HMCN1: variants seen among roughly 807,000 people sequenced by gnomAD.
HMCN1 encodes hemicentin 1.
In HMCN1, 321 loss-of-function variants were observed where a neutral mutation model predicts 625.9. The observed-to-expected ratio is 0.51, with a 90% CI of 0.47 to 0.56. HMCN1 has a LOEUF of 0.56. HMCN1 is among the 20% of genes least tolerant of loss of function. HMCN1 has a pLI of 0.00. For synonymous variants in HMCN1, 2,425 were observed against 2,417.6 expected (o/e 1.00, Z -0.09); for missense variants, 6,588 against 6,887.3 (o/e 0.96, Z 1.54).
chr1:185,988,813 G>T (rs1204085745), intron 20 of HMCN1, among the ~76,000 whole-genome samples: 2 of 152,048 alleles, frequency 1.3e-5, no homozygotes, highest in African/African-American at 4.8e-5. Context: ...GCAAAATGAG[G>T]GTTGTGGTAG....
chr1:186,023,011 G>C lies in HMCN1; in HGVS notation c.5626-19G>C. 6.2e-7 allele frequency: 1 copy of C among 1,612,420 alleles called. No individual in the cohort carries two copies. Among genetic ancestry groups the C allele is most frequent in the Non-Finnish European group, 8.5e-7 (1 of 1,178,712 alleles). ...AGTATAAGATACAAAAATCCTCTGT[G>C]CTTTCTGCTCCCAATTAGATACAGT... On this transcript the variant is annotated intron_variant, in intron 35 of 106. Transcript: ENST00000271588.
intron 1 of HMCN1, among the ~76,000 whole-genome samples, chr1:185,754,659 G>C (rs1655021232): frequency 6.6e-6 from 1 of 152,108 alleles, no homozygotes; most frequent in African/African-American, 2.4e-5. Context: ...AGACCAGCCT[G>C]GGCAACATGG....
intron 1 of HMCN1, among the ~76,000 whole-genome samples, chr1:185,749,009 C>CTCTGA (rs1162758840): frequency 6.6e-6 from 1 of 152,150 alleles, no homozygotes; most frequent in African/African-American, 2.4e-5. Flanking sequence ...AAATCTCTGG[C>CTCTGA]TCTGGAGCTT....
In HMCN1 at chr1:186,053,000, T is replaced by C. The variant is rs1657068215; in HGVS notation, c.6626T>C (p.Ile2209Thr). The C allele has an allele frequency of 1.2e-6, 2 of 1,607,458 alleles. No individual in the cohort carries two copies. Among genetic ancestry groups the C allele is most frequent in the Non-Finnish European group, 1.7e-6 (2 of 1,174,542 alleles). Residue 2209 changes from isoleucine (I) to threonine (T), a missense_variant, in exon 43 of 107, where the codon ATT becomes ACT. Transcript: ENST00000271588. ...GATGAACTTACTCAACTTACAGTCA[T>C]TGAAGGGAATCTCATTAGTCTGTTG... ...GSDELTQLTV[I>T]EGNLISLLCE...
At chr1:186,073,611 T>A (rs939037996) in intron 52 of HMCN1, among the ~76,000 whole-genome samples, 8 of 151,816 alleles carry the variant, frequency 5.3e-5, no homozygotes, top group Admixed American at 4.6e-4. Flanking sequence ...TTTTAACCAG[T>A]TAGGGTTTTG....
At chr1:186,022,917 C>T in intron 35 of HMCN1, 113 bp from the exon 36 acceptor site, 1 of 1,055,948 alleles carries the variant, frequency 9.5e-7, no homozygotes, top group Non-Finnish European at 1.4e-6. Flanking sequence ...AAGATATTGG[C>T]ATGAAAATAT....
intron 11 of HMCN1, among the ~76,000 whole-genome samples, chr1:185,943,388 A>T (rs1442598407): frequency 6.6e-6 from 1 of 152,224 alleles, no homozygotes; most frequent in Non-Finnish European, 1.5e-5. Context: ...AACTGAATTA[A>T]ATTAGAAGAT....
At chr1:185,794,343 T>TTATATATATA (rs61058896) in intron 1 of HMCN1, among the ~76,000 whole-genome samples, 2,910 of 147,630 alleles carry the variant, frequency 0.02, 99 homozygotes, top group African/African-American at 0.07. Context: ...AGAGGATAGA[T>TTATATATATA]TATATATATA....
chr1:186,045,216 C>T (rs547475882), intron 40 of HMCN1, among the ~76,000 whole-genome samples: 31 of 152,260 alleles, frequency 2.0e-4, no homozygotes, highest in African/African-American at 6.7e-4. Flanking sequence ...ATGTTTTGCA[C>T]GCTGCGAGAT....
chr1:185,913,452 T>C (rs983520552), intron 6 of HMCN1, among the ~76,000 whole-genome samples: 1 of 152,178 alleles, frequency 6.6e-6, no homozygotes, highest in Non-Finnish European at 1.5e-5. Flanking sequence ...AGGAAGGAAT[T>C]AGAAGAAGTG....
In HMCN1 at chr1:186,015,373, A is replaced by G; in HGVS notation, c.4845A>G (p.Thr1615=). 1.2e-6 allele frequency: 2 copies of G among 1,613,742 alleles called. No individual in the cohort carries two copies. Among genetic ancestry groups the G allele is most frequent in the African/African-American group, 1.3e-5 (1 of 75,030 alleles). The change falls in exon 31 of 107, where the codon ACA becomes ACG. Residue 1615 remains threonine, a synonymous_variant. Transcript: ENST00000271588. ...GAGCACAGGTCTCTGATTCAGCAAC[A>G]TATACGTGTCATGTAGCCAATGTTG... ...IPRAQVSDSA[T]YTCHVANVAG...
chr1:186,056,249 C>T (rs1657311770), intron 45 of HMCN1, among the ~76,000 whole-genome samples: 1 of 151,884 alleles, frequency 6.6e-6, no homozygotes, highest in Non-Finnish European at 1.5e-5. Context: ...TCAGTTAAGA[C>T]ATGCATGAAG....
chr1:186,079,213 C>G (rs1268216860), intron 55 of HMCN1, among the ~76,000 whole-genome samples: 1 of 152,178 alleles, frequency 6.6e-6, no homozygotes, highest in African/African-American at 2.4e-5. Context: ...CTCTGTGGCT[C>G]CTCTCAGCAG....
chr1:185,774,315 A>T (rs1354266525), intron 1 of HMCN1, among the ~76,000 whole-genome samples: 1 of 152,142 alleles, frequency 6.6e-6, no homozygotes, highest in East Asian at 1.9e-4. Context: ...ATTTAAATTT[A>T]CTTAAGAAGG....
chr1:185,920,676 GT>G lies in HMCN1; in HGVS notation c.901-1695del, dbSNP rs921865289. 1.7e-4 allele frequency among the ~76,000 whole-genome samples: 26 copies of G among 151,292 alleles called. No individual in the cohort carries two copies. The South Asian group carries it at 3.1e-3, about 18-fold the overall frequency. On this transcript the variant is annotated intron_variant, in intron 6 of 106. Coordinates refer to ENST00000271588, the MANE Select transcript of HMCN1 (RefSeq NM_031935.3). Reference sequence around the variant, plus strand: ...ATTTTCAAACACTTGTATAATTTCTGTTTTTTTTCACTCAGCTATTAAGTAC... The same window carrying G: ...ATTTTCAAACACTTGTATAATTTCTGTTTTTTTCACTCAGCTATTAAGTAC...
intron 18 of HMCN1, among the ~76,000 whole-genome samples, chr1:185,983,779 T>C (rs1191747934): frequency 6.6e-6 from 1 of 152,168 alleles, no homozygotes; most frequent in Non-Finnish European, 1.5e-5. Flanking sequence ...AAAATAAAAA[T>C]ATCAAATGGC....
At chr1:185,903,560 A>G (rs1458669198) in intron 4 of HMCN1, among the ~76,000 whole-genome samples, 2 of 151,724 alleles carry the variant, frequency 1.3e-5, no homozygotes, top group Non-Finnish European at 1.5e-5. Flanking sequence ...ATGAGCACTT[A>G]CTATTGTTAA....
intron 11 of HMCN1, among the ~76,000 whole-genome samples, chr1:185,939,955 G>A (rs1360944725): frequency 6.6e-6 from 1 of 152,098 alleles, no homozygotes; most frequent in Non-Finnish European, 1.5e-5. Context: ...TAAGGATCTA[G>A]TGATATATTC....
In HMCN1 at chr1:186,018,360, G is replaced by A; in HGVS notation, c.5470+8G>A. The stretch of plus-strand genomic sequence containing the variant: ...TTGAAGTGACTGTTCATGGTATGCT[G>A]AAGAAGGGACAGGAACTTTGCATCT... On this transcript the variant is annotated splice_region_variant and intron_variant, in intron 34 of 106. Transcript: ENST00000271588. The A allele has an allele frequency of 6.2e-7, 1 of 1,611,214 alleles. No individual in the cohort carries two copies. Among genetic ancestry groups the A allele is most frequent in the South Asian group, 1.1e-5 (1 of 91,022 alleles).
Sources: gnomAD v4.1 joint callset for allele counts (sites outside exome capture counted in the v4.1 genomes callset) on GRCh38, gnomAD v4.1.1 for gene constraint, MANE v1.5 for transcripts, NCBI Gene and HGNC (gene_info 2026-07-23, HGNC 2026-07-21) for gene names.